BAALC: variants seen among roughly 807,000 people sequenced by gnomAD.
BAALC encodes BAALC binder of MAP3K1 and KLF4.
In BAALC, 9 loss-of-function variants were observed where a neutral mutation model predicts 15.5. The ratio of observed to expected loss-of-function variants is 0.58; its 90% CI spans 0.35 to 1.02. BAALC has a LOEUF of 1.02. Among genes scored for constraint, BAALC ranks in the 50% least tolerant of loss-of-function variants. The pLI is 0.02. For synonymous variants in BAALC, 80 were observed against 74.6 expected (o/e 1.07, Z -0.37); for missense variants, 201 against 192.4 (o/e 1.04, Z -0.27).
chr8:103,152,553 G>A (rs889704290), intron 1 of BAALC, among the ~76,000 whole-genome samples: 20 of 152,200 alleles, frequency 1.3e-4, no homozygotes, highest in African/African-American at 4.8e-4. Flanking sequence ...CGCTTCAAGA[G>A]GTCAAGGATC....
At chr8:103,199,884 C>T (rs1812176629) in intron 1 of BAALC, among the ~76,000 whole-genome samples, 1 of 152,160 alleles carries the variant, frequency 6.6e-6, no homozygotes, top group African/African-American at 2.4e-5. Context: ...CATTAAGCTC[C>T]ACTTATCAGT....
At chr8:103,208,923 G>C (rs1812389458) in intron 1 of BAALC, among the ~76,000 whole-genome samples, 1 of 152,136 alleles carries the variant, frequency 6.6e-6, no homozygotes, top group African/African-American at 2.4e-5. Flanking sequence ...GGAGGATTGG[G>C]GTCAGGTGTG....
chr8:103,187,999 A>C (rs1312751397), intron 1 of BAALC, among the ~76,000 whole-genome samples: 2 of 152,170 alleles, frequency 1.3e-5, no homozygotes, highest in African/African-American at 2.4e-5. Context: ...GCAAGTAATA[A>C]ATTAACAAAG....
intron 2 of BAALC, among the ~76,000 whole-genome samples, chr8:103,227,167 C>CTG (rs999192110): frequency 1.3e-5 from 2 of 151,976 alleles, no homozygotes; most frequent in African/African-American, 4.8e-5. Flanking sequence ...TTCTTCCTGA[C>CTG]TGTGTGTGTG....
chr8:103,226,617 A>C (rs1812812192), intron 2 of BAALC, among the ~76,000 whole-genome samples: 1 of 152,224 alleles, frequency 6.6e-6, no homozygotes, highest in Admixed American at 6.5e-5. Context: ...TTTCTCTTTT[A>C]GGGGATGGAG....
intron 1 of BAALC, chr8:103,200,847 T>G: frequency 1.7e-6 from 1 of 573,882 alleles, no homozygotes; most frequent in Non-Finnish European, 3.3e-6. Flanking sequence ...AATTGCTTCC[T>G]AAAGGTCCTG....
intron 2 of BAALC, among the ~76,000 whole-genome samples, chr8:103,226,885 A>G (rs530869241): frequency 6.6e-6 from 1 of 152,320 alleles, no homozygotes; most frequent in South Asian, 2.1e-4. Context: ...TTTACAGATA[A>G]GGGTTAGAGA....
intron 1 of BAALC, among the ~76,000 whole-genome samples, chr8:103,148,224 G>A (rs1179091018): frequency 6.6e-6 from 1 of 152,178 alleles, no homozygotes; most frequent in East Asian, 1.9e-4. Context: ...CACACAGGGA[G>A]AACTCCATGT....
intron 1 of BAALC, among the ~76,000 whole-genome samples, chr8:103,175,406 T>C (rs1000074546): frequency 1.1e-4 from 16 of 152,358 alleles, no homozygotes; most frequent in Non-Finnish European, 2.1e-4. Context: ...TTCAGAACTG[T>C]TTTATCATCA....
chr8:103,152,985 G>T (rs1261610621), intron 1 of BAALC, among the ~76,000 whole-genome samples: 1 of 152,182 alleles, frequency 6.6e-6, no homozygotes, highest in African/African-American at 2.4e-5. Context: ...CTTTGCTTGG[G>T]TCTTATTGGT....
intron 1 of BAALC, among the ~76,000 whole-genome samples, chr8:103,178,462 A>T (rs1022145153): frequency 3.3e-5 from 5 of 152,240 alleles, no homozygotes; most frequent in Non-Finnish European, 7.3e-5. Flanking sequence ...AGGATCTTGT[A>T]CTACAATTCT....
At chr8:103,142,612 A>C (rs1420595359) in intron 1 of BAALC, among the ~76,000 whole-genome samples, 1 of 152,206 alleles carries the variant, frequency 6.6e-6, no homozygotes, top group Non-Finnish European at 1.5e-5. Flanking sequence ...CATGAAAAAA[A>C]TAATAATAAA....
chr8:103,185,689 G>T (rs1811819672), intron 1 of BAALC, among the ~76,000 whole-genome samples: 1 of 152,222 alleles, frequency 6.6e-6, no homozygotes. Flanking sequence ...GATTGGGATT[G>T]TAAACTGGAT....
chr8:103,217,283 T>A (rs1376059793), intron 2 of BAALC, among the ~76,000 whole-genome samples: 4 of 152,176 alleles, frequency 2.6e-5, no homozygotes, highest in African/African-American at 9.7e-5. Flanking sequence ...CCATTCTGAG[T>A]CCCTCAAAGG....
chr8:103,218,432 A>G (rs1812609614), intron 2 of BAALC, among the ~76,000 whole-genome samples: 1 of 151,826 alleles, frequency 6.6e-6, no homozygotes, highest in Non-Finnish European at 1.5e-5. Flanking sequence ...TCAACAAACA[A>G]CACGAGAGGC....
At chr8:103,201,058 G>A (rs1812203923) in intron 1 of BAALC, among the ~76,000 whole-genome samples, 1 of 152,098 alleles carries the variant, frequency 6.6e-6, no homozygotes, top group Non-Finnish European at 1.5e-5. Flanking sequence ...CAGTTTAAGG[G>A]AGTCATCTCC....
intron 1 of BAALC, among the ~76,000 whole-genome samples, chr8:103,159,217 T>C (rs891746204): frequency 6.6e-6 from 1 of 152,184 alleles, no homozygotes; most frequent in East Asian, 1.9e-4. Context: ...TCAGGTTATA[T>C]CTTGTTTTTT....
chr8:103,200,066 C>T lies in BAALC; in HGVS notation c.161-12853C>T, dbSNP rs144208068. 2.3e-3 allele frequency among the ~76,000 whole-genome samples: 352 copies of T among 152,202 alleles called. 1 individual carries two copies. The highest frequency in any genetic ancestry group is 3.6e-3 in the Non-Finnish European group (244 of 68,020). ...CTTTATCTAGTCTATCACCAAGGGG[C>T]ATTTAAGTGGATTCCATGTCTTTAC... is the stretch of plus-strand genomic sequence containing the variant. On this transcript the variant is annotated intron_variant, in intron 1 of 2. Coordinates refer to ENST00000309982, the MANE Select transcript of BAALC (RefSeq NM_024812.3).
At chr8:103,197,381 C>A (rs1432652056) in intron 1 of BAALC, among the ~76,000 whole-genome samples, 1 of 152,008 alleles carries the variant, frequency 6.6e-6, no homozygotes, top group African/African-American at 2.4e-5. Flanking sequence ...CATCTACCTA[C>A]AACATTGTTG....
Sources: gnomAD v4.1 joint callset for allele counts (sites outside exome capture counted in the v4.1 genomes callset) on GRCh38, gnomAD v4.1.1 for gene constraint, MANE v1.5 for transcripts, NCBI Gene and HGNC (gene_info 2026-07-23, HGNC 2026-07-21) for gene names.